Variants in MYO16 observed in about 807,000 individuals in gnomAD.
The protein encoded by MYO16 is myosin XVI, also known as unconventional myosin-XVI.
In MYO16, 94 loss-of-function variants were observed where a neutral mutation model predicts 205.3. The ratio of observed to expected loss-of-function variants is 0.46; its 90% CI spans 0.39 to 0.54. The LOEUF (loss-of-function observed/expected upper bound fraction) is 0.54. Ranked by LOEUF, MYO16 falls within the 20% of genes least tolerant of loss-of-function variation. The probability of loss-of-function intolerance (pLI) is 0.00; values close to 1 mark genes in which losing one functional copy is unlikely to be tolerated. For synonymous variants in MYO16, 988 were observed against 954.0 expected (o/e 1.04, Z -0.66); for missense variants, 2,315 against 2,387.5 (o/e 0.97, Z 0.63).
intron 29 of MYO16, among the ~76,000 whole-genome samples, chr13:109,123,680 T>C (rs1876105326): frequency 6.6e-6 from 1 of 152,204 alleles, no homozygotes; most frequent in Admixed American, 6.5e-5. Flanking sequence ...ACTAAACCTT[T>C]AGTAGTGCCA....
At chr13:108,686,382 C>T (rs947531034) in intron 2 of MYO16, among the ~76,000 whole-genome samples, 5 of 152,270 alleles carry the variant, frequency 3.3e-5, no homozygotes, top group Admixed American at 6.5e-5. Flanking sequence ...AGATATCACA[C>T]GTATTAAAAT....
At chr13:109,103,748 G>T (rs894985164) in intron 28 of MYO16, among the ~76,000 whole-genome samples, 4 of 152,064 alleles carry the variant, frequency 2.6e-5, no homozygotes, top group African/African-American at 9.7e-5. Flanking sequence ...GTGCACATTT[G>T]ATTTCCTTCT....
chr13:108,563,402 G>T, the MYO16 span, among the ~76,000 whole-genome samples: 1 of 152,054 alleles, frequency 6.6e-6, no homozygotes, highest in Admixed American at 6.5e-5. Flanking sequence ...CCCCCTATTA[G>T]GTGATTAAAT....
chr13:108,733,603 A>G (rs895517034), intron 4 of MYO16, among the ~76,000 whole-genome samples: 5 of 152,180 alleles, frequency 3.3e-5, no homozygotes, highest in Non-Finnish European at 1.5e-5. Context: ...ATTATCATAC[A>G]TTTATTTTTA....
At chr13:108,871,901 G>A (rs182638685) in intron 12 of MYO16, among the ~76,000 whole-genome samples, 2 of 152,272 alleles carry the variant, frequency 1.3e-5, no homozygotes, top group Admixed American at 6.5e-5. Flanking sequence ...TTAGATGCTT[G>A]ATTTGTATTT....
chr13:108,758,878 T>C (rs1012224831), intron 4 of MYO16, among the ~76,000 whole-genome samples: 1 of 152,258 alleles, frequency 6.6e-6, no homozygotes, highest in African/African-American at 2.4e-5. Context: ...TCCTGATGTA[T>C]GATTTAGTGT....
At chr13:108,773,289 G>A (rs568438239) in intron 4 of MYO16, among the ~76,000 whole-genome samples, 12 of 152,202 alleles carry the variant, frequency 7.9e-5, no homozygotes, top group Non-Finnish European at 1.8e-4. Context: ...TAGATAAAGA[G>A]TATTGTGATA....
chr13:108,504,830 C>G, the MYO16 span, among the ~76,000 whole-genome samples: 3 of 152,180 alleles, frequency 2.0e-5, no homozygotes, highest in Admixed American at 6.5e-5. Context: ...CCACCACGCC[C>G]TGCCAATAAC....
At chr13:108,670,177 C>T (rs549595825) in intron 2 of MYO16, among the ~76,000 whole-genome samples, 1 of 152,298 alleles carries the variant, frequency 6.6e-6, no homozygotes, top group African/African-American at 2.4e-5. Context: ...CAAGCCTGTG[C>T]ACATGCATAC....
chr13:109,114,240 C>T (rs1451645715), intron 28 of MYO16, among the ~76,000 whole-genome samples: 2 of 152,250 alleles, frequency 1.3e-5, no homozygotes, highest in East Asian at 1.9e-4. Context: ...CCACCGTCAC[C>T]GACATCATTT....
chr13:108,628,890 C>CA (rs748598535), upstream of MYO16, among the ~76,000 whole-genome samples: 18 of 151,638 alleles, frequency 1.2e-4, no homozygotes, highest in South Asian at 2.1e-4. Flanking sequence ...TATCAATTTG[C>CA]AAAAAAAATG....
chr13:108,838,321 T>A (rs1294171762), intron 9 of MYO16, among the ~76,000 whole-genome samples: 1 of 152,000 alleles, frequency 6.6e-6, no homozygotes, highest in Non-Finnish European at 1.5e-5. Flanking sequence ...GTCATATAAT[T>A]AATATAACAT....
chr13:108,636,520 C>T (rs1880260047), intron 1 of MYO16, among the ~76,000 whole-genome samples: 1 of 151,678 alleles, frequency 6.6e-6, no homozygotes, highest in Admixed American at 6.6e-5. Flanking sequence ...GCTGGGACTA[C>T]AAGTGCATAC....
intron 1 of MYO16, among the ~76,000 whole-genome samples, chr13:108,635,188 G>A (rs562513610): frequency 3.2e-4 from 48 of 152,272 alleles, no homozygotes; most frequent in Admixed American, 6.5e-4. Flanking sequence ...TTTCAGTGAG[G>A]AGTAGCACTT....
At chr13:108,704,754 T>C (rs1176043549) in intron 2 of MYO16, among the ~76,000 whole-genome samples, 1 of 152,004 alleles carries the variant, frequency 6.6e-6, no homozygotes, top group Non-Finnish European at 1.5e-5. Context: ...TAAATTAACC[T>C]AACTTTTTAT....
intron 12 of MYO16, among the ~76,000 whole-genome samples, chr13:108,877,753 C>T (rs191293949): frequency 8.3e-4 from 127 of 152,298 alleles, no homozygotes; most frequent in African/African-American, 2.9e-3. Context: ...CTATTGATTA[C>T]ATGCACAGCT....
chr13:109,054,103 T>C (rs1331258159), intron 25 of MYO16, among the ~76,000 whole-genome samples: 1 of 152,116 alleles, frequency 6.6e-6, no homozygotes, highest in Non-Finnish European at 1.5e-5. Context: ...GGTTAGTGGC[T>C]GAGGTTCCTT....
At chr13:108,942,780 C>CA in intron 16 of MYO16, among the ~76,000 whole-genome samples, 1 of 152,256 alleles carries the variant, frequency 6.6e-6, no homozygotes, top group Non-Finnish European at 1.5e-5. Context: ...TGAGGACTTA[C>CA]TATCTTAAAT....
chr13:109,109,411 T>C (rs1352581973), intron 28 of MYO16, among the ~76,000 whole-genome samples: 1 of 152,180 alleles, frequency 6.6e-6, no homozygotes, highest in African/African-American at 2.4e-5. Context: ...GTTCAATGCA[T>C]GCTACTGATA....
Sources: allele counts gnomAD v4.1 joint callset (sites outside exome capture counted in the v4.1 genomes callset), GRCh38; gene constraint gnomAD v4.1.1; transcripts MANE v1.5; gene names NCBI Gene and HGNC (gene_info 2026-07-23, HGNC 2026-07-21).